NOX3: variants seen among roughly 807,000 people sequenced by gnomAD.
NOX3 encodes NADPH oxidase catalytic subunit-like 3.
Under a neutral mutation model 76.7 loss-of-function variants are expected in NOX3, and 74 were observed. The observed-to-expected ratio is 0.96, with a 90% CI of 0.80 to 1.17. NOX3 has a LOEUF of 1.17. Ranked by LOEUF, NOX3 falls within the 50% of genes most tolerant of loss-of-function variation. The pLI is 0.00. For synonymous variants in NOX3, 263 were observed against 261.1 expected (o/e 1.01, Z -0.07); for missense variants, 695 against 703.3 (o/e 0.99, Z 0.13).
intron 10 of NOX3, among the ~76,000 whole-genome samples, chr6:155,415,710 C>T (rs1226580962): frequency 6.6e-6 from 1 of 152,140 alleles, no homozygotes; most frequent in Non-Finnish European, 1.5e-5. Flanking sequence ...TAGATTACTG[C>T]GTATGTAAAA....
At chr6:155,430,091 T>C (rs982470393) in intron 8 of NOX3, among the ~76,000 whole-genome samples, 6 of 152,226 alleles carry the variant, frequency 3.9e-5, no homozygotes, top group African/African-American at 9.6e-5. Flanking sequence ...TACAGGATTC[T>C]GTTAAAATTG....
intron 7 of NOX3, among the ~76,000 whole-genome samples, chr6:155,433,513 T>C (rs1317021262): frequency 6.6e-6 from 1 of 152,256 alleles, no homozygotes; most frequent in Non-Finnish European, 1.5e-5. Context: ...AGATTTATTA[T>C]GTTCATAACG....
chr6:155,431,286 A>T (rs1354640242), intron 7 of NOX3, among the ~76,000 whole-genome samples: 1 of 152,156 alleles, frequency 6.6e-6, no homozygotes, highest in Non-Finnish European at 1.5e-5. Flanking sequence ...CCCAAACTCA[A>T]GCCAAAGTCA....
intron 12 of NOX3, 109 bp downstream of exon 12, chr6:155,407,021 T>C: frequency 1.7e-6 from 2 of 1,209,464 alleles, no homozygotes; most frequent in Admixed American, 3.9e-5. Context: ...GGTAGATGTT[T>C]TGTCTCTAAT....
At chr6:155,396,021 T>G (rs1193956820) in intron 13 of NOX3, among the ~76,000 whole-genome samples, 2 of 152,180 alleles carry the variant, frequency 1.3e-5, no homozygotes, top group African/African-American at 2.4e-5. Context: ...AGAAAGTCCC[T>G]CTTTTGCTCA....
chr6:155,410,045 G>C (rs1776520842), intron 11 of NOX3, among the ~76,000 whole-genome samples: 1 of 152,086 alleles, frequency 6.6e-6, no homozygotes, highest in Admixed American at 6.5e-5. Flanking sequence ...TCACCAAACT[G>C]TTCATCAGTC....
rs542060840 is a variant in NOX3 at position 155,453,126 on chromosome 6, G to T, written c.340+278C>A. 3.3e-5 allele frequency among the ~76,000 whole-genome samples: 5 copies of T among 152,210 alleles called. No homozygotes were observed. The East Asian group carries it at 9.6e-4, about 29-fold the overall frequency. ...GAATAACAAAGTGTCCCTTTTTCAA[G>T]TAAGTATTTATTATTGTATTATTAA... is the stretch of plus-strand genomic sequence containing the variant. On this transcript the variant is annotated intron_variant, in intron 4 of 13. Transcript: ENST00000159060.
At chr6:155,434,151 G>A (rs1329996527) in intron 7 of NOX3, among the ~76,000 whole-genome samples, 1 of 152,138 alleles carries the variant, frequency 6.6e-6, no homozygotes, top group African/African-American at 2.4e-5. Flanking sequence ...CCACGTGTCT[G>A]AATCCTGTCT....
chr6:155,424,327 C>T (rs1387864011), intron 9 of NOX3, among the ~76,000 whole-genome samples: 1 of 152,130 alleles, frequency 6.6e-6, no homozygotes, highest in African/African-American at 2.4e-5. Context: ...GCTGTAATCC[C>T]AGCACTCCCT....
In NOX3 at chr6:155,428,791, A is replaced by G; in HGVS notation, c.1145+3T>C. Reference sequence around the variant, plus strand: ...TTTATACATGAGAGAAATGGGCACGAACCTTGGCAGGCTCCAGGGCTCCTG... The same window carrying G: ...TTTATACATGAGAGAAATGGGCACGGACCTTGGCAGGCTCCAGGGCTCCTG... On this transcript the variant is annotated splice_donor_region_variant and intron_variant, in intron 9 of 13. Transcript: ENST00000159060. 6.7e-7 allele frequency: 1 copy of G among 1,488,034 alleles called. No homozygotes were observed. Among genetic ancestry groups the G allele is most frequent in the Non-Finnish European group, 9.0e-7 (1 of 1,115,296 alleles). 92.2% of individuals were successfully genotyped at this position (1,488,034 alleles called of 1,614,324 possible).
chr6:155,437,078 C>A (rs1367202583), intron 6 of NOX3, among the ~76,000 whole-genome samples: 2 of 152,168 alleles, frequency 1.3e-5, no homozygotes, highest in African/African-American at 4.8e-5. Context: ...CAAAACAGGT[C>A]ACAATGGAGT....
At chr6:155,455,625 C>T in intron 1 of NOX3, 128 bp downstream of exon 1, 1 of 634,106 alleles carries the variant, frequency 1.6e-6, no homozygotes, top group Non-Finnish European at 2.7e-6. Flanking sequence ...TGAATGTTTT[C>T]TAACAAGTTT....
At chr6:155,454,571 G>A (rs1396704695) in intron 3 of NOX3, among the ~76,000 whole-genome samples, 1 of 152,146 alleles carries the variant, frequency 6.6e-6, no homozygotes, top group Non-Finnish European at 1.5e-5. Flanking sequence ...AAATATATCA[G>A]GAAACTGTTT....
At chr6:155,409,154 C>T (rs1776508413) in intron 11 of NOX3, among the ~76,000 whole-genome samples, 2 of 152,136 alleles carry the variant, frequency 1.3e-5, no homozygotes, top group South Asian at 2.1e-4. Context: ...AGTCTGACAC[C>T]AGGTGGCAGA....
rs1349853635 is a variant in NOX3, at chr6:155,428,937, C to A, written c.1002G>T (p.Glu334Asp). ...LVQCPAISSLEWHPFTLTSAP... is the reference protein window; with the variant it reads ...LVQCPAISSLDWHPFTLTSAP... ...CAGAGGTAAGGGTGAAGGGGTGCCA[C>A]TCCAGCGAAGATATGGCTGGGCACT... The change falls in exon 9 of 14, where the codon GAG (glutamate) becomes GAT (aspartate). Residue 334 changes from glutamate to aspartate, a missense_variant. Glu to Asp is a conservative substitution (Grantham distance 45, BLOSUM62 2). Coordinates refer to ENST00000159060, the MANE Select transcript of NOX3 (RefSeq NM_015718.3). 2 of 1,613,942 alleles carry A rather than the reference C, an allele frequency of 1.2e-6. No individual in the cohort carries two copies. Among genetic ancestry groups the A allele is most frequent in the African/African-American group, 2.7e-5 (2 of 74,896 alleles).
chr6:155,417,496 C>T (rs949201054), intron 10 of NOX3, among the ~76,000 whole-genome samples: 30 of 152,150 alleles, frequency 2.0e-4, no homozygotes, highest in African/African-American at 7.2e-4. Flanking sequence ...CCGCACAGAG[C>T]AATGGTGAGG....
At chr6:155,446,152 C>A (rs1359231382) in intron 4 of NOX3, among the ~76,000 whole-genome samples, 4 of 151,586 alleles carry the variant, frequency 2.6e-5, no homozygotes, top group Non-Finnish European at 5.9e-5. Flanking sequence ...AGGTTAGCAC[C>A]CACGAAGTAC....
chr6:155,444,144 AT>A (rs1777030790), intron 4 of NOX3, among the ~76,000 whole-genome samples: 1 of 152,124 alleles, frequency 6.6e-6, no homozygotes, highest in Non-Finnish European at 1.5e-5. Flanking sequence ...TCCTTTCCAC[AT>A]TTTAGTATAC....
chr6:155,439,264 A>G (rs1388259543), intron 6 of NOX3, among the ~76,000 whole-genome samples: 1 of 152,210 alleles, frequency 6.6e-6, no homozygotes, highest in East Asian at 1.9e-4. Context: ...ACAGCAATTG[A>G]TGTATTAGTC....
Sources: gnomAD v4.1 joint callset for allele counts (sites outside exome capture counted in the v4.1 genomes callset) on GRCh38, gnomAD v4.1.1 for gene constraint, MANE v1.5 for transcripts, NCBI Gene and HGNC (gene_info 2026-07-23, HGNC 2026-07-21) for gene names.